The following PSMD6 variants were observed in gnomAD, a reference collection of about 807,000 sequenced individuals.
The protein encoded by PSMD6 is 26S proteasome non-ATPase regulatory subunit 6.
In PSMD6, 7 loss-of-function variants were observed where a neutral mutation model predicts 44.9. The ratio of observed to expected loss-of-function variants is 0.16; its 90% CI spans 0.09 to 0.29. PSMD6 has a LOEUF of 0.29. PSMD6 is among the 10% of genes least tolerant of loss of function. The pLI is 1.00. For synonymous variants in PSMD6, 184 were observed against 172.7 expected, an observed-to-expected ratio of 1.07 and a Z score of -0.51; for missense variants, 420 against 482.6, an observed-to-expected ratio of 0.87 and a Z score of 1.21.
At chr3:64,012,224 G>A (rs192153802) in intron 6 of PSMD6, 2 of 152,066 alleles carry the variant, frequency 1.3e-5, no homozygotes, top group Non-Finnish European at 2.9e-5. Context: ...ATACTAGAAA[G>A]AGAATGGTCT....
chr3:64,019,265 G>C (rs1452962650), intron 3 of PSMD6, 31 bp downstream of exon 3: 2 of 1,541,228 alleles, frequency 1.3e-6, no homozygotes, highest in Non-Finnish European at 1.8e-6. Context: ...TCATAATTTA[G>C]AGAAAATATA....
Position 64,011,014 on chromosome 3 carries a change from A to T in PSMD6, c.996-59T>A, listed in dbSNP as rs2075931887. On this transcript the variant is annotated intron_variant, in intron 6 of 7. Coordinates refer to ENST00000295901, the MANE Select transcript of PSMD6 (RefSeq NM_014814.3). ...TTATAGAAAATTCTTAGAAAAATGC[A>T]AACGGCATTAAAATACTGTCTTAAA... 6 of 1,346,768 alleles carry T rather than the reference A, an allele frequency of 4.5e-6. No individual in the cohort carries two copies. In the East Asian group the frequency reaches 1.4e-4, roughly 31 times the overall value. 83.4% of individuals were successfully genotyped at this position (1,346,768 alleles called of 1,614,324 possible). A position where few individuals can be genotyped will look rare whatever the true frequency, so the allele number is the denominator to read the frequency against.
At chr3:64,023,512 G>A, upstream of PSMD6, 1 of 1,442,706 alleles carries the variant, frequency 6.9e-7, no homozygotes, top group East Asian at 2.7e-5. Context: ...ACGCCCGGCC[G>A]CCTGCGGCCC....
chr3:64,017,908 C>G (rs1260345123), intron 5 of PSMD6, among the ~76,000 whole-genome samples: 2 of 152,138 alleles, frequency 1.3e-5, no homozygotes, highest in Non-Finnish European at 2.9e-5. Context: ...CAAGCTGATT[C>G]TTCTATCATC....
At chr3:64,019,582 T>G in intron 2 of PSMD6, 141 bp from the exon 3 acceptor site, 2 of 825,596 alleles carry the variant, frequency 2.4e-6, no homozygotes, top group Non-Finnish European at 3.6e-6. Flanking sequence ...CTGTTAATTG[T>G]TGAAGCTGGG....
chr3:64,018,368 A>G lies in PSMD6; in HGVS notation c.826+231T>C, dbSNP rs147982279. 1.5e-3 allele frequency: 531 copies of G among 365,648 alleles called. 1 individual carries two copies. Among genetic ancestry groups the G allele is most frequent in the African/African-American group, 0.01 (490 of 47,442 alleles). 22.7% of individuals were successfully genotyped at this position (365,648 alleles called of 1,614,324 possible). A position where few individuals can be genotyped will look rare whatever the true frequency, so the allele number is the denominator to read the frequency against. On this transcript the variant is annotated intron_variant, in intron 5 of 7. Coordinates refer to ENST00000295901, the MANE Select transcript of PSMD6 (RefSeq NM_014814.3). The stretch of plus-strand genomic sequence containing the variant: ...TCCGTCACATCCTCCTTTTTTAAAC[A>G]ACACTTTAAAAATGTAAAAATCATT...
chr3:64,020,040 T>G (rs1452501912), intron 2 of PSMD6: 1 of 152,170 alleles, frequency 6.6e-6, no homozygotes, highest in Non-Finnish European at 1.5e-5. Flanking sequence ...AGATCTTGGT[T>G]TTTAAATACT....
rs1249174838 is a variant in PSMD6, at chr3:64,023,275, T to C, written c.145A>G (p.Asn49Asp). The C allele has an allele frequency of 6.4e-7, 1 of 1,564,360 alleles. No homozygotes were observed. Among genetic ancestry groups the C allele is most frequent in the Non-Finnish European group, 8.7e-7 (1 of 1,154,586 alleles). Residue 49 changes from asparagine to aspartate, a missense_variant and splice_region_variant, in exon 1 of 8, where the codon AAC (asparagine) becomes GAC (aspartate). Coordinates refer to ENST00000295901, the MANE Select transcript of PSMD6 (RefSeq NM_014814.3). ...DELMAAVRDN[N>D]MAPYYEALCK... The stretch of plus-strand genomic sequence containing the variant: ...GACTCGGCGCTCGTGCGGGCCTCAC[T>C]GTTATCGCGGACGGCCGCCATCAGC...
upstream of PSMD6, chr3:64,023,941 G>A: frequency 3.4e-6 from 3 of 891,182 alleles, no homozygotes; most frequent in South Asian, 1.8e-5. Flanking sequence ...CCAAGGTCAT[G>A]TAACAGCCAT....
intron 2 of PSMD6, chr3:64,019,755 T>G: frequency 4.2e-6 from 1 of 237,768 alleles, no homozygotes; most frequent in Non-Finnish European, 7.8e-6. Flanking sequence ...ATTCAATGTT[T>G]TCTCTCATAA....
At chr3:64,013,244 T>G (rs2075990328) in intron 6 of PSMD6, 195 bp downstream of exon 6, 9 of 494,938 alleles carry the variant, frequency 1.8e-5, no homozygotes, top group Non-Finnish European at 3.2e-5. Context: ...CATCTGTTAA[T>G]GCAAGGGGCA....
At chr3:64,015,839 T>G (rs1211487681) in intron 5 of PSMD6, 2 of 152,218 alleles carry the variant, frequency 1.3e-5, no homozygotes, top group African/African-American at 4.8e-5. Flanking sequence ...AACTGTTCCA[T>G]GTGTACATAT....
intron 5 of PSMD6, 158 bp from the exon 6 acceptor site, chr3:64,013,765 A>T (rs888235934): frequency 5.9e-5 from 36 of 606,472 alleles, no homozygotes; most frequent in Non-Finnish European, 8.9e-5. Flanking sequence ...TGGCAGCAAC[A>T]GCAGTGATAA....
In PSMD6 at chr3:64,022,766, CCTCGGTTTG is replaced by C. The variant is rs1328613489; in HGVS notation, c.146-252_146-244del. 61 of 1,536,218 alleles carry C rather than the reference CCTCGGTTTG, an allele frequency of 4.0e-5. No homozygotes were observed. The East Asian group carries it at 1.5e-3, about 37-fold the overall frequency. The stretch of plus-strand genomic sequence containing the variant: ...CTACTAGGGCTGGAGGGAGGGCAAT[CCTCGGTTTG>C]CTCTTGCCGGATTCTGTTCCAAAAG... On this transcript the variant is annotated intron_variant, in intron 1 of 7. Transcript: ENST00000295901.
At chr3:64,022,293 G>T in intron 2 of PSMD6, 25 bp downstream of exon 2, 1 of 1,612,594 alleles carries the variant, frequency 6.2e-7, no homozygotes. Flanking sequence ...ACTAACTACA[G>T]AGAGGGAAAA....
chr3:64,010,926 C>T lies in PSMD6; in HGVS notation c.1025G>A (p.Arg342Lys), dbSNP rs1196679414. 1.2e-6 allele frequency: 2 copies of T among 1,609,642 alleles called. No homozygotes were observed. Among genetic ancestry groups the T allele is most frequent in the Admixed American group, 3.4e-5 (2 of 59,664 alleles). The stretch of plus-strand genomic sequence containing the variant: ...CACTTTATCTATTTTGCAGTGTAGT[C>T]TCCCGGCAGCAATAAACCTGGACAG... The part of the protein sequence containing the change: ...QELSRFIAAG[R>K]LHCKIDKVNE... Residue 342 changes from arginine to lysine, a missense_variant, in exon 7 of 8, where the codon AGA becomes AAA. By Grantham distance (26) the Arg-to-Lys change is conservative. Coordinates refer to ENST00000295901, the MANE Select transcript of PSMD6 (RefSeq NM_014814.3).
chr3:64,020,953 T>C (rs1306299190), intron 2 of PSMD6, among the ~76,000 whole-genome samples: 4 of 152,182 alleles, frequency 2.6e-5, no homozygotes, highest in Non-Finnish European at 5.9e-5. Context: ...TTAACCACTA[T>C]TACACAGTTA....
rs376833285 is a variant in PSMD6 at position 64,023,329 on chromosome 3, G to A, written c.91C>T (p.His31Tyr). The change falls in exon 1 of 8, where the codon CAC becomes TAC. Residue 31 changes from histidine (H) to tyrosine (Y), a missense_variant. By Grantham distance (83) the His-to-Tyr change is moderately conservative. Coordinates refer to ENST00000295901, the MANE Select transcript of PSMD6 (RefSeq NM_014814.3). Reference sequence around the variant, plus strand: ...TCGCGCACGGCAGCGTCTCCGCGGTGCTCGGGCAGGCTGAGCAGGAAGCGC... The same window carrying A: ...TCGCGCACGGCAGCGTCTCCGCGGTACTCGGGCAGGCTGAGCAGGAAGCGC... ...QLRFLLSLPE[H>Y]RGDAAVRDEL... 6.2e-7 allele frequency: 1 copy of A among 1,603,926 alleles called. No individual in the cohort carries two copies. The highest frequency in any genetic ancestry group is 8.5e-7 in the Non-Finnish European group (1 of 1,175,586).
At chr3:64,017,219 TATTA>T (rs1393373085) in intron 5 of PSMD6, 1 of 152,208 alleles carries the variant, frequency 6.6e-6, no homozygotes, top group Non-Finnish European at 1.5e-5. Context: ...GTTCTGGAAT[TATTA>T]ATATTTGCAA....
Sources: allele counts gnomAD v4.1 joint callset (sites outside exome capture counted in the v4.1 genomes callset), GRCh38; gene constraint gnomAD v4.1.1; transcripts MANE v1.5; gene names NCBI Gene and HGNC (gene_info 2026-07-23, HGNC 2026-07-21).